CTNND2: variants seen among roughly 807,000 people sequenced by gnomAD.
CTNND2 encodes the protein catenin delta-2.
Under a neutral mutation model 144.4 loss-of-function variants are expected in CTNND2, and 22 were observed. The ratio of observed to expected loss-of-function variants is 0.15; its 90% CI spans 0.11 to 0.22. The LOEUF (loss-of-function observed/expected upper bound fraction) is 0.22. CTNND2 is among the 10% of genes least tolerant of loss of function. The pLI is 1.00. For missense variants in CTNND2, 1,353 were observed against 1,618.8 expected (o/e 0.84, Z 2.82); for synonymous variants, 751 against 695.6 (o/e 1.08, Z -1.25).
At chr5:11,897,855 G>A (rs1051371845) in intron 1 of CTNND2, among the ~76,000 whole-genome samples, 5 of 152,160 alleles carry the variant, frequency 3.3e-5, no homozygotes, top group African/African-American at 1.2e-4. Flanking sequence ...CCATGCCAAT[G>A]GGGAACACTT....
At chr5:11,217,928 T>C (rs1739371089) in intron 10 of CTNND2, among the ~76,000 whole-genome samples, 1 of 152,138 alleles carries the variant, frequency 6.6e-6, no homozygotes, top group Admixed American at 6.5e-5. Flanking sequence ...CTCATATTAT[T>C]ATCCACTGAA....
At chr5:11,766,788 T>C (rs1789613167) in intron 1 of CTNND2, among the ~76,000 whole-genome samples, 1 of 152,118 alleles carries the variant, frequency 6.6e-6, no homozygotes, top group Non-Finnish European at 1.5e-5. Context: ...GTGAATTCTA[T>C]TTCTTATCTC....
At chr5:11,605,837 C>T (rs908505926) in intron 2 of CTNND2, among the ~76,000 whole-genome samples, 1 of 152,076 alleles carries the variant, frequency 6.6e-6, no homozygotes, top group African/African-American at 2.4e-5. Flanking sequence ...CTAAAGATGT[C>T]CCCCGCCCAA....
At chr5:10,996,389 C>T (rs34495516) in intron 18 of CTNND2, among the ~76,000 whole-genome samples, 1 of 147,014 alleles carries the variant, frequency 6.8e-6, no homozygotes, top group Non-Finnish European at 1.5e-5. Flanking sequence ...AGCGGAGATC[C>T]TTCTCAAAAG....
chr5:11,539,428 C>T (rs1774514549), intron 3 of CTNND2, among the ~76,000 whole-genome samples: 1 of 152,148 alleles, frequency 6.6e-6, no homozygotes, highest in African/African-American at 2.4e-5. Context: ...AGCTCTCAGC[C>T]CTAATTAAGT....
At chr5:11,303,283 A>G (rs186493606) in intron 9 of CTNND2, among the ~76,000 whole-genome samples, 8 of 152,300 alleles carry the variant, frequency 5.3e-5, no homozygotes, top group Middle Eastern at 3.4e-3. Context: ...GTTAATTCCT[A>G]ATTATTCATT....
chr5:11,803,846 T>A (rs772135194), intron 1 of CTNND2, among the ~76,000 whole-genome samples: 31 of 152,210 alleles, frequency 2.0e-4, no homozygotes, highest in Non-Finnish European at 4.1e-4. Context: ...ATTGCAATAT[T>A]TGAAATTTTT....
intron 1 of CTNND2, among the ~76,000 whole-genome samples, chr5:11,868,563 G>C (rs139918955): frequency 6.6e-6 from 1 of 152,056 alleles, no homozygotes; most frequent in Non-Finnish European, 1.5e-5. Context: ...GATTGCTATC[G>C]TTTCAATATT....
At chr5:11,426,178 C>A (rs1032036705) in intron 3 of CTNND2, among the ~76,000 whole-genome samples, 1 of 152,190 alleles carries the variant, frequency 6.6e-6, no homozygotes, top group East Asian at 1.9e-4. Context: ...TTGTAGCCCC[C>A]CTTGAAAAAC....
At chr5:11,674,576 T>G (rs887418839) in intron 2 of CTNND2, among the ~76,000 whole-genome samples, 1 of 152,240 alleles carries the variant, frequency 6.6e-6, no homozygotes, top group Non-Finnish European at 1.5e-5. Context: ...TATTGTGCAT[T>G]CTATGGGTTT....
chr5:11,140,295 G>A (rs1389837893), intron 12 of CTNND2, among the ~76,000 whole-genome samples: 3 of 152,180 alleles, frequency 2.0e-5, no homozygotes, highest in Non-Finnish European at 4.4e-5. Flanking sequence ...GGTTCAGGAA[G>A]TGTATTCACA....
At chr5:11,560,231 T>C (rs1352935225) in intron 3 of CTNND2, among the ~76,000 whole-genome samples, 1 of 152,214 alleles carries the variant, frequency 6.6e-6, no homozygotes, top group Non-Finnish European at 1.5e-5. Context: ...TAAATCATCA[T>C]CATTTTCATC....
chr5:11,465,559 G>A (rs25950), intron 3 of CTNND2, among the ~76,000 whole-genome samples: 6,045 of 152,212 alleles, frequency 0.04, 401 homozygotes, highest in African/African-American at 0.14. Context: ...TTGCCAGACT[G>A]ACTCGAATGA....
intron 9 of CTNND2, among the ~76,000 whole-genome samples, chr5:11,286,689 G>A (rs1747791961): frequency 6.6e-6 from 1 of 152,230 alleles, no homozygotes; most frequent in South Asian, 2.1e-4. Flanking sequence ...AAGGCTAACA[G>A]GAGTTGGCAC....
At chr5:11,505,826 T>A (rs1770975444) in intron 3 of CTNND2, among the ~76,000 whole-genome samples, 1 of 152,112 alleles carries the variant, frequency 6.6e-6, no homozygotes, top group South Asian at 2.1e-4. Context: ...CTCCTCACGA[T>A]CCTCTGTGAC....
At position 10,981,586 on chromosome 5, in the gene CTNND2, A is replaced by AACACACACACAC. The variant is rs112742699; in HGVS notation, c.3417+175_3417+186dup. On this transcript the variant is annotated intron_variant, in intron 21 of 21. Transcript: ENST00000304623. ...CATTTGAGGCTGTTCTGCCGAGTCC[A>AACACACACACAC]ACACACACACACACACACACAGAGA... 5.3e-4 allele frequency among the ~76,000 whole-genome samples: 80 copies of AACACACACACAC among 150,488 alleles called. 1 individual carries two copies. The highest frequency in any genetic ancestry group is 1.9e-3 in the South Asian group (9 of 4,758).
intron 9 of CTNND2, among the ~76,000 whole-genome samples, chr5:11,335,553 T>C (rs568466761): frequency 1.3e-4 from 20 of 152,162 alleles, no homozygotes; most frequent in Non-Finnish European, 2.6e-4. Context: ...TTAATTGAGA[T>C]ATGCTAAAAA....
chr5:11,685,414 CTT>C (rs1355805043), intron 2 of CTNND2, among the ~76,000 whole-genome samples: 1 of 152,102 alleles, frequency 6.6e-6, no homozygotes, highest in African/African-American at 2.4e-5. Flanking sequence ...ATTACTTGAG[CTT>C]TCTGGTTATT....
At position 11,378,786 on chromosome 5, in the gene CTNND2, T is replaced by C. The variant is rs1344749223; in HGVS notation, c.1177+5879A>G. Among the ~76,000 whole-genome samples, 9 of 147,136 alleles carry C rather than the reference T, an allele frequency of 6.1e-5. 1 individual carries two copies. In the South Asian group the frequency reaches 1.7e-3, roughly 27 times the overall value. ...AAGCTTTCATCTAGGACTAGACTCT[T>C]TTTTTTTCTTTCTCATATAAAGTGT... On this transcript the variant is annotated intron_variant, in intron 7 of 21. Transcript: ENST00000304623.
Sources: allele counts gnomAD v4.1 joint callset (sites outside exome capture counted in the v4.1 genomes callset), GRCh38; gene constraint gnomAD v4.1.1; transcripts MANE v1.5; gene names NCBI Gene and HGNC (gene_info 2026-07-23, HGNC 2026-07-21).